ANKRD30B: variants seen among roughly 807,000 people sequenced by gnomAD.
ANKRD30B encodes the protein ankyrin repeat domain-containing protein 30B.
ANKRD30B carries 144 observed loss-of-function variants against 202.2 expected under a neutral mutation model. The observed-to-expected ratio is 0.71, with a 90% CI of 0.62 to 0.82. ANKRD30B has a LOEUF of 0.82. Among genes scored for constraint, ANKRD30B ranks in the 40% least tolerant of loss-of-function variants. ANKRD30B has a pLI of 0.00. For missense variants in ANKRD30B, 1,487 were observed against 1,669.1 expected, an observed-to-expected ratio of 0.89 and a Z score of 1.90; for synonymous variants, 508 against 561.3, an observed-to-expected ratio of 0.91 and a Z score of 1.34.
the ANKRD30B span, among the ~76,000 whole-genome samples, chr18:14,864,386 A>C: frequency 1.7e-3 from 252 of 152,232 alleles, 1 homozygote; most frequent in African/African-American, 5.6e-3. Flanking sequence ...CCCTGAAATC[A>C]TATCAATTAT....
At position 14,799,261 on chromosome 18, in the gene ANKRD30B, T is replaced by G; in HGVS notation, c.2097T>G (p.Ala699=). Residue 699 remains alanine, a synonymous_variant, in exon 22 of 44, where the codon GCT becomes GCG. Coordinates refer to ENST00000690538, the MANE Select transcript of ANKRD30B (RefSeq NM_001367607.2). ...CGRKVSLPNK[A]LELKDRETFK... ...GGAAAGTTTCTCTTCCAAATAAAGC[T>G]TTAGAATTGAAGGACAGAGAAACAT... 3 of 1,551,160 alleles carry G rather than the reference T, an allele frequency of 1.9e-6. No homozygotes were observed. Among genetic ancestry groups the G allele is most frequent in the South Asian group, 1.2e-5 (1 of 83,582 alleles).
chr18:14,876,530 C>T, the ANKRD30B span, among the ~76,000 whole-genome samples: 2 of 152,152 alleles, frequency 1.3e-5, no homozygotes, highest in Non-Finnish European at 2.9e-5. Context: ...TTCTTCCCTC[C>T]AGTCCTTCTC....
At chr18:14,918,734 A>G in the ANKRD30B span, among the ~76,000 whole-genome samples, 8 of 152,370 alleles carry the variant, frequency 5.3e-5, no homozygotes, top group African/African-American at 1.7e-4. Flanking sequence ...TGATTGCTTG[A>G]AAGTAAACAA....
At chr18:14,905,171 AG>A in the ANKRD30B span, among the ~76,000 whole-genome samples, 3 of 152,362 alleles carry the variant, frequency 2.0e-5, no homozygotes, top group African/African-American at 7.2e-5. Flanking sequence ...CCCCTTGTTT[AG>A]TATATCATCC....
the ANKRD30B span, among the ~76,000 whole-genome samples, chr18:14,893,696 AT>A: frequency 6.6e-6 from 1 of 152,106 alleles, no homozygotes; most frequent in Non-Finnish European, 1.5e-5. Context: ...TAATAGAAAA[AT>A]ATGTAATATG....
intron 9 of ANKRD30B, among the ~76,000 whole-genome samples, chr18:14,775,197 A>C (rs1468342587): frequency 6.6e-6 from 1 of 152,264 alleles, no homozygotes; most frequent in East Asian, 1.9e-4. Context: ...ATCATGTATC[A>C]AGTAGATAAC....
intron 39 of ANKRD30B, among the ~76,000 whole-genome samples, chr18:14,847,053 TATATATA>T (rs1971671678): frequency 2.9e-3 from 41 of 14,222 alleles, no homozygotes; most frequent in African/African-American, 0.011. Flanking sequence ...TTTAGTTTTA[TATATATA>T]TATATATATA....
chr18:14,860,091 G>A, the ANKRD30B span, among the ~76,000 whole-genome samples: 1 of 139,162 alleles, frequency 7.2e-6, no homozygotes, highest in Non-Finnish European at 1.6e-5. Flanking sequence ...GGGCGGCCAG[G>A]CAGAAGCACT....
At chr18:14,855,506 T>C (rs1416145666), downstream of ANKRD30B, among the ~76,000 whole-genome samples, 4 of 150,524 alleles carry the variant, frequency 2.7e-5, no homozygotes, top group East Asian at 2.0e-4. Context: ...TGCTCCTTAC[T>C]TCCCAGATGG....
At chr18:14,879,471 G>T in the ANKRD30B span, among the ~76,000 whole-genome samples, 1 of 152,118 alleles carries the variant, frequency 6.6e-6, no homozygotes, top group Non-Finnish European at 1.5e-5. Flanking sequence ...TCCCCTCGCT[G>T]CCGTGCAGTC....
At chr18:14,760,950 C>T (rs1336823089) in intron 6 of ANKRD30B, among the ~76,000 whole-genome samples, 1 of 151,892 alleles carries the variant, frequency 6.6e-6, no homozygotes, top group Non-Finnish European at 1.5e-5. Context: ...TTGTTTGATT[C>T]CTCAATTGTC....
intron 8 of ANKRD30B, among the ~76,000 whole-genome samples, 177 bp from the exon 9 acceptor site, chr18:14,771,979 C>T (rs937254003): frequency 2.6e-5 from 4 of 152,070 alleles, no homozygotes; most frequent in African/African-American, 4.8e-5. Flanking sequence ...TTTTTAAAAA[C>T]AGAGGACATA....
the ANKRD30B span, among the ~76,000 whole-genome samples, chr18:14,861,863 C>T: frequency 6.6e-6 from 1 of 152,172 alleles, no homozygotes; most frequent in East Asian, 1.9e-4. Flanking sequence ...GGAACATTCT[C>T]TAAAATTGAC....
At chr18:14,821,078 T>A (rs910792754) in intron 30 of ANKRD30B, among the ~76,000 whole-genome samples, 8 of 152,242 alleles carry the variant, frequency 5.3e-5, no homozygotes, top group Non-Finnish European at 1.0e-4. Flanking sequence ...AACTTCTTCC[T>A]GGTTTAGTCT....
At chr18:14,836,328 G>T (rs1971169937) in intron 34 of ANKRD30B, among the ~76,000 whole-genome samples, 1 of 151,934 alleles carries the variant, frequency 6.6e-6, no homozygotes, top group African/African-American at 2.4e-5. Flanking sequence ...CCCCATCCTA[G>T]TAAATAACAA....
rs547517293 is a variant in ANKRD30B at position 14,775,837 on chromosome 18, A to T, written c.1330-2148A>T. On this transcript the variant is annotated intron_variant, in intron 9 of 43. Coordinates refer to ENST00000690538, the MANE Select transcript of ANKRD30B (RefSeq NM_001367607.2). ...AAAGATAAGTCTGTATTTGGTTCTG[A>T]CACTTACTAGCTATGGGAACTTGGA... 1.5e-4 allele frequency among the ~76,000 whole-genome samples: 23 copies of T among 152,352 alleles called. No individual in the cohort carries two copies. The South Asian group carries it at 2.1e-3, about 14-fold the overall frequency.
chr18:14,777,885 G>GA, intron 9 of ANKRD30B, 100 bp from the exon 10 acceptor site: 1 of 756,480 alleles, frequency 1.3e-6, no homozygotes, highest in Non-Finnish European at 2.2e-6. Flanking sequence ...AGAGGTGGCA[G>GA]TAGGCCGAGA....
chr18:14,891,938 C>T, the ANKRD30B span, among the ~76,000 whole-genome samples: 2 of 152,130 alleles, frequency 1.3e-5, no homozygotes, highest in Non-Finnish European at 2.9e-5. Context: ...TTTGCAATAC[C>T]TCCAAAATGG....
At chr18:14,906,116 ATTGT>A in the ANKRD30B span, among the ~76,000 whole-genome samples, 2 of 152,022 alleles carry the variant, frequency 1.3e-5, no homozygotes, top group Non-Finnish European at 1.5e-5. Context: ...TATGCCACAC[ATTGT>A]TTAAAGTGGC....
Sources: allele counts gnomAD v4.1 joint callset (sites outside exome capture counted in the v4.1 genomes callset), GRCh38; gene constraint gnomAD v4.1.1; transcripts MANE v1.5; gene names NCBI Gene and HGNC (gene_info 2026-07-23, HGNC 2026-07-21).